The following PDGFRL variants were observed in gnomAD, a reference collection of about 807,000 sequenced individuals.
PDGFRL encodes platelet-derived growth factor receptor-like protein.
PDGFRL carries 46 observed loss-of-function variants against 37.2 expected under a neutral mutation model. The observed-to-expected ratio is 1.24, with a 90% confidence interval of 0.98 to 1.58. The LOEUF (loss-of-function observed/expected upper bound fraction) is 1.58. Among genes scored for constraint, PDGFRL ranks in the 40% most tolerant of loss-of-function variants. The pLI is 0.00. For synonymous variants in PDGFRL, 251 were observed against 184.3 expected (o/e 1.36, Z -2.93); for missense variants, 692 against 467.6 (o/e 1.48, Z -4.43).
intron 2 of PDGFRL, among the ~76,000 whole-genome samples, chr8:17,611,973 T>C (rs1332376448): frequency 6.6e-6 from 1 of 152,082 alleles, no homozygotes; most frequent in East Asian, 1.9e-4. Context: ...CTTGCTAAGA[T>C]CTGGGAGCCT....
intron 2 of PDGFRL, among the ~76,000 whole-genome samples, chr8:17,590,587 G>A (rs1285719263): frequency 1.3e-5 from 2 of 149,160 alleles, no homozygotes; most frequent in African/African-American, 5.1e-5. Flanking sequence ...GCATGCACCT[G>A]CAATTCCAGT....
rs187481574 is a variant in PDGFRL, at chr8:17,618,097, G to A, written c.354-2954G>A. Among the ~76,000 whole-genome samples, 13 of 151,542 alleles carry A rather than the reference G, an allele frequency of 8.6e-5. No homozygotes were observed. The East Asian group carries it at 1.9e-3, about 23-fold the overall frequency. On this transcript the variant is annotated intron_variant, in intron 2 of 5. Coordinates refer to ENST00000251630, the MANE Select transcript of PDGFRL (RefSeq NM_001372073.1). ...TTTTAAGTCAGGGTTTTGCTCTGTC[G>A]CCTAGGCTGGAGTACAGTGGTGGGA...
intron 3 of PDGFRL, 44 bp downstream of exon 3, chr8:17,621,246 C>G: frequency 7.0e-7 from 1 of 1,436,958 alleles, no homozygotes; most frequent in Non-Finnish European, 9.7e-7. Context: ...AACTTCTGGA[C>G]CGGGCTGAGA....
At chr8:17,634,363 T>A in intron 5 of PDGFRL, 150 bp downstream of exon 5, 1 of 586,148 alleles carries the variant, frequency 1.7e-6, no homozygotes, top group Non-Finnish European at 3.0e-6. Flanking sequence ...GGGCCAGGTA[T>A]TGTTTGTTTT....
At chr8:17,600,201 G>A (rs562653394) in intron 2 of PDGFRL, among the ~76,000 whole-genome samples, 2 of 152,054 alleles carry the variant, frequency 1.3e-5, no homozygotes, top group Non-Finnish European at 2.9e-5. Flanking sequence ...AGGTCAACAA[G>A]GGCACTAAAT....
chr8:17,608,055 C>G (rs958482129), intron 2 of PDGFRL, among the ~76,000 whole-genome samples: 1 of 152,210 alleles, frequency 6.6e-6, no homozygotes, highest in Non-Finnish European at 1.5e-5. Context: ...TGTCACTTCC[C>G]GTCCTGCATT....
intron 2 of PDGFRL, among the ~76,000 whole-genome samples, chr8:17,593,334 G>C (rs1043180229): frequency 6.6e-6 from 1 of 152,052 alleles, no homozygotes; most frequent in African/African-American, 2.4e-5. Flanking sequence ...ACTCACACCT[G>C]TAATCCCAGC....
At chr8:17,618,542 T>A (rs1043170961) in intron 2 of PDGFRL, among the ~76,000 whole-genome samples, 2 of 152,214 alleles carry the variant, frequency 1.3e-5, no homozygotes, top group Non-Finnish European at 2.9e-5. Flanking sequence ...ATGAGTGGTA[T>A]TCAGAACATA....
chr8:17,605,287 C>A (rs1431678935), intron 2 of PDGFRL, among the ~76,000 whole-genome samples: 3 of 152,162 alleles, frequency 2.0e-5, no homozygotes, highest in African/African-American at 4.8e-5. Flanking sequence ...CATCCTTCCT[C>A]CCCATGCCCC....
intron 2 of PDGFRL, among the ~76,000 whole-genome samples, chr8:17,615,015 T>C (rs1804494977): frequency 1.3e-5 from 2 of 152,136 alleles, no homozygotes; most frequent in Non-Finnish European, 2.9e-5. Context: ...TGAGTCAAAA[T>C]GGGTAAAGGG....
intron 2 of PDGFRL, among the ~76,000 whole-genome samples, chr8:17,592,776 A>C (rs775475781): frequency 2.6e-5 from 4 of 152,054 alleles, no homozygotes; most frequent in Non-Finnish European, 4.4e-5. Flanking sequence ...CTCTCTTCAC[A>C]CTGAAAACTA....
At chr8:17,581,144 A>G (rs1162030716) in intron 1 of PDGFRL, among the ~76,000 whole-genome samples, 1 of 152,164 alleles carries the variant, frequency 6.6e-6, no homozygotes, top group African/African-American at 2.4e-5. Context: ...CCAGTAAGAC[A>G]GGGTGAGACA....
At chr8:17,632,953 A>G (rs116126416) in intron 4 of PDGFRL, among the ~76,000 whole-genome samples, 5 of 152,152 alleles carry the variant, frequency 3.3e-5, no homozygotes, top group South Asian at 2.1e-4. Flanking sequence ...AGACTGTTCT[A>G]TTCTGGCCTT....
chr8:17,593,871 A>G (rs1321460271), intron 2 of PDGFRL, among the ~76,000 whole-genome samples: 2 of 149,066 alleles, frequency 1.3e-5, no homozygotes, highest in African/African-American at 2.5e-5. Context: ...CTGGGCAACA[A>G]GAGTGAAACT....
intron 4 of PDGFRL, among the ~76,000 whole-genome samples, chr8:17,631,479 C>T (rs898510308): frequency 6.6e-6 from 1 of 152,098 alleles, no homozygotes; most frequent in Admixed American, 6.5e-5. Context: ...GGCCATGCCC[C>T]TTACACCCTG....
chr8:17,611,795 G>A (rs1428167217), intron 2 of PDGFRL, among the ~76,000 whole-genome samples: 1 of 152,220 alleles, frequency 6.6e-6, no homozygotes, highest in Non-Finnish European at 1.5e-5. Context: ...CGTGATGAAA[G>A]GCATCTGAAG....
In PDGFRL at chr8:17,621,272, A is replaced by C. The variant is rs1216713773; in HGVS notation, c.505+70A>C. 3.9e-6 allele frequency: 4 copies of C among 1,030,888 alleles called. No individual in the cohort carries two copies. The African/African-American group carries it at 6.4e-5, about 16-fold the overall frequency. 63.9% of individuals were successfully genotyped at this position (1,030,888 alleles called of 1,614,324 possible). The stretch of plus-strand genomic sequence containing the variant: ...CGGGCTGAGAGCTGAAGGTTCCCCC[A>C]CTGCATGCTGAATAGCAAATAATGA... On this transcript the variant is annotated intron_variant, in intron 3 of 5. Coordinates refer to ENST00000251630, the MANE Select transcript of PDGFRL (RefSeq NM_001372073.1).
At chr8:17,597,083 C>T (rs890437378) in intron 2 of PDGFRL, among the ~76,000 whole-genome samples, 2 of 152,308 alleles carry the variant, frequency 1.3e-5, no homozygotes, top group East Asian at 1.9e-4. Context: ...TGCAGTGGCA[C>T]GATCTCAGCT....
At chr8:17,641,589 G>T (rs1336243184) in intron 5 of PDGFRL, among the ~76,000 whole-genome samples, 3 of 152,192 alleles carry the variant, frequency 2.0e-5, no homozygotes, top group Non-Finnish European at 2.9e-5. Flanking sequence ...AAAAGGTGCT[G>T]TGAGGCCAGA....
Sources: allele counts gnomAD v4.1 joint callset (sites outside exome capture counted in the v4.1 genomes callset), GRCh38; gene constraint gnomAD v4.1.1; transcripts MANE v1.5; gene names NCBI Gene and HGNC (gene_info 2026-07-23, HGNC 2026-07-21).